The following LGMN variants were observed in gnomAD, a reference collection of about 807,000 sequenced individuals.
The protein encoded by LGMN is asparaginyl endopeptidase.
In LGMN, 36 loss-of-function variants were observed where a neutral mutation model predicts 56.8. That is an observed-to-expected ratio of 0.63 (90% CI 0.49 to 0.84). The LOEUF (loss-of-function observed/expected upper bound fraction) is 0.84. Ranked by LOEUF, LGMN falls within the 40% of genes least tolerant of loss-of-function variation. The pLI is 0.00. For missense variants in LGMN, 446 were observed against 556.1 expected, an observed-to-expected ratio of 0.80 and a Z score of 1.99; for synonymous variants, 199 against 210.1, an observed-to-expected ratio of 0.95 and a Z score of 0.46.
chr14:92,721,107 G>A (rs2140238573), intron 2 of LGMN, among the ~76,000 whole-genome samples: 1 of 152,256 alleles, frequency 6.6e-6, no homozygotes, highest in East Asian at 1.9e-4. Context: ...GCTTTGGCTG[G>A]TCTCGAACTC....
In LGMN at chr14:92,732,731, G is replaced by C. The variant is rs1219331643; in HGVS notation, c.56C>G (p.Pro19Arg). 3.1e-6 allele frequency: 5 copies of C among 1,614,004 alleles called. No individual in the cohort carries two copies. Among genetic ancestry groups the C allele is most frequent in the African/African-American group, 2.7e-5 (2 of 74,908 alleles). ...GCCTCCATCTTCAGGATCATCTATA[G>C]GAACGGCACCAATGCCCAGGGCCAC... ...LSVALGIGAV[P>R]IDDPEDGGKH... Residue 19 changes from proline (P) to arginine (R), a missense_variant, in exon 2 of 14, where the codon CCT (proline) becomes CGT (arginine). Transcript: ENST00000334869.
Position 92,718,818 on chromosome 14 carries a change from G to A in LGMN, c.165C>T (p.Ile55=), listed in dbSNP as rs773242938. The part of the protein sequence containing the change: ...HQADACHAYQ[I]IHRNGIPDEQ... ...CGTCAGGAATCCCATTGCGGTGAATGATCTGGTAGGCATGGCACGCGTCTG... is the reference window on the plus strand; with the variant it reads ...CGTCAGGAATCCCATTGCGGTGAATAATCTGGTAGGCATGGCACGCGTCTG... The change falls in exon 3 of 14, where the codon ATC becomes ATT. Residue 55 remains isoleucine, a synonymous_variant. Coordinates refer to ENST00000334869, the MANE Select transcript of LGMN (RefSeq NM_005606.7). 1.2e-6 allele frequency: 2 copies of A among 1,613,226 alleles called. No homozygotes were observed. Among genetic ancestry groups the A allele is most frequent in the South Asian group, 1.1e-5 (1 of 91,016 alleles).
In LGMN at chr14:92,711,746, T is replaced by C; in HGVS notation, c.732A>G (p.Glu244=). Residue 244 remains glutamate, a splice_region_variant and synonymous_variant, in exon 10 of 14, where the codon GAA becomes GAG. Transcript: ENST00000334869. The stretch of plus-strand genomic sequence containing the variant: ...TGTGCAGGGTCTCTTTAGTCAGATC[T>C]TCCTGCAAAAAGTGAGACCATTAGA... ...SVNWMEDSDV[E]DLTKETLHKQ... is the part of the protein sequence containing the mutation. 2 of 1,614,152 alleles carry C rather than the reference T, an allele frequency of 1.2e-6. No individual in the cohort carries two copies. Among genetic ancestry groups the C allele is most frequent in the Non-Finnish European group, 1.7e-6 (2 of 1,179,964 alleles).
At chr14:92,719,339 T>A (rs1312678) in intron 2 of LGMN, among the ~76,000 whole-genome samples, 14 of 66,582 alleles carry the variant, frequency 2.1e-4, no homozygotes, top group South Asian at 1.0e-3. Flanking sequence ...GCCACCGCCA[T>A]CACCGCCACC....
Position 92,715,131 on chromosome 14 carries a change from T to C in LGMN, c.405-680A>G, listed in dbSNP as rs555331061. Among the ~76,000 whole-genome samples, 74 of 151,792 alleles carry C rather than the reference T, an allele frequency of 4.9e-4. 1 individual carries two copies. The highest frequency in any genetic ancestry group is 4.9e-3 in the Admixed American group (74 of 15,238). Reference sequence around the variant, plus strand: ...CTCCTGCCTCAGCCTCCCGAGTAGCTGGGATTATAGGCACACGCCACCACG... The same window carrying C: ...CTCCTGCCTCAGCCTCCCGAGTAGCCGGGATTATAGGCACACGCCACCACG... On this transcript the variant is annotated intron_variant, in intron 5 of 13. Transcript: ENST00000334869.
intron 1 of LGMN, among the ~76,000 whole-genome samples, chr14:92,746,704 A>T (rs934894514): frequency 6.6e-6 from 1 of 152,182 alleles, no homozygotes; most frequent in Non-Finnish European, 1.5e-5. Flanking sequence ...CAGCACAGGA[A>T]GCCCTGGAAG....
At chr14:92,740,480 G>A (rs1186638203) in intron 1 of LGMN, among the ~76,000 whole-genome samples, 2 of 152,194 alleles carry the variant, frequency 1.3e-5, no homozygotes, top group African/African-American at 4.8e-5. Flanking sequence ...GCACTGCTGG[G>A]ACCACGCAGA....
intron 1 of LGMN, among the ~76,000 whole-genome samples, chr14:92,745,281 C>G (rs1353416858): frequency 6.6e-6 from 1 of 152,204 alleles, no homozygotes; most frequent in South Asian, 2.1e-4. Context: ...CAGTTTGCAG[C>G]CTTTTCCCAA....
At chr14:92,719,158 GCCACCACCACCA>G (rs71123370) in intron 2 of LGMN, among the ~76,000 whole-genome samples, 3 of 96,248 alleles carry the variant, frequency 3.1e-5, no homozygotes, top group Non-Finnish European at 4.1e-5. Context: ...CACCGCCACT[GCCACCACCACCA>G]CCACCACCAC....
At chr14:92,719,157 T>TCACCACCATCACCACCACC (rs1566923596) in intron 2 of LGMN, among the ~76,000 whole-genome samples, 1 of 39,700 alleles carries the variant, frequency 2.5e-5, no homozygotes, top group African/African-American at 8.6e-5. Flanking sequence ...CCACCGCCAC[T>TCACCACCATCACCACCACC]GCCACCACCA....
chr14:92,719,203 A>ACCACCG lies in LGMN; in HGVS notation c.139-360_139-359insCGGTGG, dbSNP rs1890255256. Among the ~76,000 whole-genome samples the ACCACCG allele has an allele frequency of 6.4e-5, 8 of 125,264 alleles. 1 individual carries two copies. Among genetic ancestry groups the ACCACCG allele is most frequent in the African/African-American group, 2.4e-4 (7 of 29,640 alleles). The allele number at this position is 125,264 out of a possible 152,430, so 82.2% of individuals were successfully genotyped here. A position where few individuals can be genotyped will look rare whatever the true frequency, so the allele number is the denominator to read the frequency against. ...CACCATCACCACCACCGCCACCAAC[A>ACCACCG]CCACCACCGCCACCAACACCACCAC... On this transcript the variant is annotated intron_variant, in intron 2 of 13. Coordinates refer to ENST00000334869, the MANE Select transcript of LGMN (RefSeq NM_005606.7).
chr14:92,719,327 CCGCCACCGCCATCA>C (rs1241726571), intron 2 of LGMN, among the ~76,000 whole-genome samples: 1 of 107,422 alleles, frequency 9.3e-6, no homozygotes, highest in African/African-American at 4.1e-5. Flanking sequence ...GCCGCCGCCA[CCGCCACCGCCATCA>C]CCGCCACCAC....
chr14:92,744,046 C>T (rs965829000), intron 1 of LGMN, among the ~76,000 whole-genome samples: 5 of 151,552 alleles, frequency 3.3e-5, no homozygotes, highest in Admixed American at 2.6e-4. Context: ...CCCAGCTACT[C>T]GGGAGGCTGA....
At chr14:92,712,358 C>A (rs980292262) in intron 8 of LGMN, among the ~76,000 whole-genome samples, 9 of 152,198 alleles carry the variant, frequency 5.9e-5, no homozygotes, top group Non-Finnish European at 8.8e-5. Context: ...CACTTACTAT[C>A]TCTCTACCAT....
chr14:92,724,579 G>C (rs528034917), intron 2 of LGMN, among the ~76,000 whole-genome samples: 6 of 152,112 alleles, frequency 3.9e-5, no homozygotes, highest in African/African-American at 1.4e-4. Flanking sequence ...TATTTTCCCC[G>C]CATAAGCCCA....
chr14:92,719,245 G>A (rs868674106), intron 2 of LGMN, among the ~76,000 whole-genome samples: 396 of 22,812 alleles, frequency 0.017, 2 homozygotes, highest in Non-Finnish European at 0.022. Flanking sequence ...CGCCACCACC[G>A]CCACCACCAC....
rs773807755 is a variant in LGMN at position 92,712,786 on chromosome 14, C to T, written c.610+19G>A. 83 of 1,611,744 alleles carry T rather than the reference C, an allele frequency of 5.1e-5. No individual in the cohort carries two copies. The highest frequency in any genetic ancestry group is 4.2e-4 in the Admixed American group (25 of 59,860). On this transcript the variant is annotated intron_variant, in intron 8 of 13. Transcript: ENST00000334869. ...CCTGCTTGCCAGCCCAGGTCGAGGCCGGCGCCCCAACCACCTACCATTGAT... is the reference window on the plus strand; with the variant it reads ...CCTGCTTGCCAGCCCAGGTCGAGGCTGGCGCCCCAACCACCTACCATTGAT...
intron 2 of LGMN, among the ~76,000 whole-genome samples, chr14:92,719,251 ACCACCACCGCCACCGCCG>A (rs1890279620): frequency 2.8e-4 from 14 of 50,266 alleles, no homozygotes; most frequent in Non-Finnish European, 4.6e-4. Context: ...CACCGCCACC[ACCACCACCGCCACCGCCG>A]CCGCCGCCAC....
At chr14:92,743,750 G>A (rs554375808) in intron 1 of LGMN, among the ~76,000 whole-genome samples, 4 of 150,138 alleles carry the variant, frequency 2.7e-5, no homozygotes, top group Admixed American at 6.7e-5. Context: ...GCAGTGAGCC[G>A]AGATCAAACC....
Sources: gnomAD v4.1 joint callset for allele counts (sites outside exome capture counted in the v4.1 genomes callset) on GRCh38, gnomAD v4.1.1 for gene constraint, MANE v1.5 for transcripts, NCBI Gene and HGNC (gene_info 2026-07-23, HGNC 2026-07-21) for gene names.